Variants in KIAA1217 observed in about 807,000 individuals in gnomAD.
The protein encoded by KIAA1217 is sickle tail protein homolog.
Under a neutral mutation model 163.9 loss-of-function variants are expected in KIAA1217, and 88 were observed. The ratio of observed to expected loss-of-function variants is 0.54; its 90% CI spans 0.45 to 0.64. KIAA1217 has a LOEUF of 0.64. Among genes scored for constraint, KIAA1217 ranks in the 30% least tolerant of loss-of-function variants. KIAA1217 has a pLI of 0.00. For synonymous variants in KIAA1217, 903 were observed against 923.1 expected, an observed-to-expected ratio of 0.98 and a Z score of 0.39; for missense variants, 2,372 against 2,475.0, an observed-to-expected ratio of 0.96 and a Z score of 0.88.
intron 1 of KIAA1217, among the ~76,000 whole-genome samples, chr10:23,792,668 A>AT (rs898188577): frequency 0.024 from 3,066 of 129,512 alleles, 92 homozygotes; most frequent in African/African-American, 0.073. Context: ...AATTTTTTGT[A>AT]TTTTTTTTTT....
intron 1 of KIAA1217, among the ~76,000 whole-genome samples, chr10:23,896,682 T>A (rs534021983): frequency 6.6e-6 from 1 of 152,072 alleles, no homozygotes; most frequent in African/African-American, 2.4e-5. Context: ...AAAGGTTGGG[T>A]TAATCTCTTA....
chr10:24,193,715 G>A (rs2066835977), intron 2 of KIAA1217, among the ~76,000 whole-genome samples: 1 of 151,876 alleles, frequency 6.6e-6, no homozygotes, highest in Non-Finnish European at 1.5e-5. Context: ...TGAGGAAAGT[G>A]CTCAGTTCTT....
At chr10:23,999,912 AT>A (rs1846663204) in intron 1 of KIAA1217, among the ~76,000 whole-genome samples, 1 of 152,064 alleles carries the variant, frequency 6.6e-6, no homozygotes, top group Non-Finnish European at 1.5e-5. Flanking sequence ...ATTAAAAAAA[AT>A]AATAATAACT....
chr10:24,461,502 G>A (rs139671193), intron 5 of KIAA1217, among the ~76,000 whole-genome samples: 4,664 of 152,056 alleles, frequency 0.031, 228 homozygotes, highest in African/African-American at 0.11. Context: ...TTACAGGTGT[G>A]TGCTACCATG....
At chr10:24,538,806 C>G (rs1310499210) in intron 17 of KIAA1217, among the ~76,000 whole-genome samples, 3 of 139,948 alleles carry the variant, frequency 2.1e-5, no homozygotes. Flanking sequence ...GTGGTCTCGG[C>G]TCACTGCAAC....
chr10:23,949,127 G>T (rs1465177516), intron 1 of KIAA1217, among the ~76,000 whole-genome samples: 1 of 152,168 alleles, frequency 6.6e-6, no homozygotes, highest in Non-Finnish European at 1.5e-5. Flanking sequence ...AGGGATACTT[G>T]AATTGATTCA....
At chr10:24,466,817 G>C in intron 5 of KIAA1217, 3 of 982,432 alleles carry the variant, frequency 3.1e-6, no homozygotes, top group Non-Finnish European at 3.6e-6. Flanking sequence ...CTTTGAGGGT[G>C]AAAGAGTGTC....
intron 1 of KIAA1217, among the ~76,000 whole-genome samples, chr10:23,898,697 T>G (rs1280330030): frequency 6.6e-6 from 1 of 152,030 alleles, no homozygotes. Context: ...CTCCACAACT[T>G]TTTTACTGTA....
At chr10:24,230,383 C>G (rs554645668) in intron 2 of KIAA1217, among the ~76,000 whole-genome samples, 1 of 151,896 alleles carries the variant, frequency 6.6e-6, no homozygotes. Flanking sequence ...CATGTTGGTA[C>G]GCAAATATCT....
intron 2 of KIAA1217, chr10:24,255,408 C>G (rs1437256163): frequency 2.8e-6 from 1 of 358,824 alleles, no homozygotes; most frequent in Non-Finnish European, 5.6e-6. Flanking sequence ...GGTTGTGGAG[C>G]GGGCGGGTCC....
At chr10:23,840,309 C>T (rs566540364) in intron 1 of KIAA1217, among the ~76,000 whole-genome samples, 1 of 152,064 alleles carries the variant, frequency 6.6e-6, no homozygotes, top group African/African-American at 2.4e-5. Flanking sequence ...ATGCCTGCCA[C>T]CAAACCCAGC....
chr10:24,194,101 C>G (rs888642377), intron 2 of KIAA1217, among the ~76,000 whole-genome samples: 1 of 152,056 alleles, frequency 6.6e-6, no homozygotes, highest in African/African-American at 2.4e-5. Flanking sequence ...GCATGAGAAT[C>G]ACTTGAACCC....
chr10:24,204,335 A>T (rs2067429714), upstream of KIAA1217, among the ~76,000 whole-genome samples: 1 of 152,232 alleles, frequency 6.6e-6, no homozygotes, highest in Non-Finnish European at 1.5e-5. Context: ...CTCTTAACGC[A>T]GAAGGGAAAA....
At chr10:24,209,543 G>A (rs2067805482) in intron 1 of KIAA1217, among the ~76,000 whole-genome samples, 3 of 152,172 alleles carry the variant, frequency 2.0e-5, no homozygotes, top group Admixed American at 2.0e-4. Flanking sequence ...GTATCTCTAA[G>A]CAATGACAAA....
intron 2 of KIAA1217, among the ~76,000 whole-genome samples, chr10:24,028,392 C>T (rs991641220): frequency 6.6e-6 from 1 of 152,014 alleles, no homozygotes; most frequent in African/African-American, 2.4e-5. Context: ...TACATACATA[C>T]ATAAATCTCA....
At chr10:23,818,722 A>C (rs11013728) in intron 1 of KIAA1217, among the ~76,000 whole-genome samples, 1 of 151,932 alleles carries the variant, frequency 6.6e-6, no homozygotes, top group African/African-American at 2.4e-5. Flanking sequence ...TTGCCTTGGC[A>C]ATAATTTGTC....
At position 24,524,423 on chromosome 10, in the gene KIAA1217, G is replaced by A. The variant is rs569802646; in HGVS notation, c.2557G>A (p.Glu853Lys). Residue 853 changes from glutamate to lysine, a missense_variant, in exon 13 of 21, where the codon GAG (glutamate) becomes AAG (lysine). Coordinates refer to ENST00000376454, the MANE Select transcript of KIAA1217 (RefSeq NM_019590.5). Reference sequence around the variant, plus strand: ...AGCCGCAGAAGTCCTGAAGAGTCAGGAGGAGGCAGCCCACACCTCCGGCCA... The same window carrying A: ...AGCCGCAGAAGTCCTGAAGAGTCAGAAGGAGGCAGCCCACACCTCCGGCCA... Reference protein sequence around the residue: ...ATAAEVLKSQEEAAHTSGQPF... With the variant: ...ATAAEVLKSQKEAAHTSGQPF... The A allele has an allele frequency of 3.0e-5, 48 of 1,614,232 alleles. 3 individuals are homozygous for A. In the South Asian group the frequency reaches 5.1e-4, roughly 17 times the overall value.
intron 2 of KIAA1217, among the ~76,000 whole-genome samples, chr10:24,367,657 T>C (rs2050971330): frequency 6.6e-6 from 1 of 152,234 alleles, no homozygotes; most frequent in Non-Finnish European, 1.5e-5. Context: ...TCAGTTCCAA[T>C]GTGTCCAATG....
chr10:24,161,346 G>A (rs2065110870), intron 2 of KIAA1217, among the ~76,000 whole-genome samples: 1 of 152,166 alleles, frequency 6.6e-6, no homozygotes. Context: ...AGGCATTGTG[G>A]GAAGGAGAGA....
Sources: allele counts gnomAD v4.1 joint callset (sites outside exome capture counted in the v4.1 genomes callset), GRCh38; gene constraint gnomAD v4.1.1; transcripts MANE v1.5; gene names NCBI Gene and HGNC (gene_info 2026-07-23, HGNC 2026-07-21).